Variants in CACNB2 observed in about 807,000 individuals in gnomAD.
The protein encoded by CACNB2 is calcium voltage-gated channel auxiliary subunit beta 2, also known as voltage-dependent L-type calcium channel subunit beta-2.
Under a neutral mutation model 73.3 loss-of-function variants are expected in CACNB2, and 42 were observed. The ratio of observed to expected loss-of-function variants is 0.57; its 90% CI spans 0.45 to 0.74. CACNB2 has a LOEUF of 0.74. CACNB2 is among the 30% of genes least tolerant of loss of function. CACNB2 has a pLI of 0.00. For synonymous variants in CACNB2, 348 were observed against 310.3 expected (o/e 1.12, Z -1.28); for missense variants, 940 against 853.0 (o/e 1.10, Z -1.27).
At position 18,140,663 on chromosome 10, in the gene CACNB2, G is replaced by A. The variant is rs970942967; in HGVS notation, c.-74G>A. 2.1e-4 allele frequency: 286 copies of A among 1,334,502 alleles called. 1 individual carries two copies. Among genetic ancestry groups the A allele is most frequent in the Non-Finnish European group, 4.2e-5 (40 of 950,166 alleles). 82.7% of individuals were successfully genotyped at this position (1,334,502 alleles called of 1,614,324 possible). A position where few individuals can be genotyped will look rare whatever the true frequency, so the allele number is the denominator to read the frequency against. ...CGGCCCCCAGAGCCGATCAGAGCGC[G>A]GGGAGGCGGGGGCGAGGAGGAGGGG... On this transcript the variant is annotated 5_prime_UTR_variant, in exon 1 of 14. Coordinates refer to ENST00000324631, the MANE Select transcript of CACNB2 (RefSeq NM_201596.3).
chr10:18,366,375 G>C (rs1228540350), intron 2 of CACNB2, among the ~76,000 whole-genome samples: 16 of 149,994 alleles, frequency 1.1e-4, no homozygotes, highest in Non-Finnish European at 1.6e-4. Context: ...TGAGGCAGGA[G>C]AATGGTACGA....
At chr10:18,285,585 C>A (rs1464311870) in intron 2 of CACNB2, among the ~76,000 whole-genome samples, 1 of 152,220 alleles carries the variant, frequency 6.6e-6, no homozygotes, top group African/African-American at 2.4e-5. Flanking sequence ...AACTGCCTAA[C>A]TGAGCTCAAT....
chr10:18,511,154 G>C (rs1276068784), intron 6 of CACNB2, among the ~76,000 whole-genome samples: 1 of 152,174 alleles, frequency 6.6e-6, no homozygotes, highest in Non-Finnish European at 1.5e-5. Flanking sequence ...AGTATGCATA[G>C]ATGGGGCAAA....
At chr10:18,532,087 A>C (rs2053088611) in intron 10 of CACNB2, 1 of 152,180 alleles carries the variant, frequency 6.6e-6, no homozygotes, top group South Asian at 2.1e-4. Context: ...GCATGGATAC[A>C]TCCATTTTTA....
rs544678665 is a variant in CACNB2, at chr10:18,210,312, C to T, written c.213+59337C>T. Among the ~76,000 whole-genome samples the T allele has an allele frequency of 2.8e-4, 43 of 152,204 alleles. 1 individual carries two copies. The South Asian group carries it at 8.9e-3, about 32-fold the overall frequency. On this transcript the variant is annotated intron_variant, in intron 2 of 13. Coordinates refer to ENST00000324631, the MANE Select transcript of CACNB2 (RefSeq NM_201596.3). The stretch of plus-strand genomic sequence containing the variant: ...AGAAATGTATATACATGCAGGTACA[C>T]GTGTGTGTAGGTATACATATAACAA...
intron 2 of CACNB2, among the ~76,000 whole-genome samples, chr10:18,237,305 C>T (rs967863185): frequency 1.3e-5 from 2 of 152,150 alleles, no homozygotes; most frequent in Admixed American, 6.5e-5. Flanking sequence ...TTAGATTTTA[C>T]TCAATTAGGG....
chr10:18,175,817 C>G (rs1031390848), intron 2 of CACNB2, among the ~76,000 whole-genome samples: 1 of 152,176 alleles, frequency 6.6e-6, no homozygotes, highest in African/African-American at 2.4e-5. Context: ...AGGCTGGTCT[C>G]AAACTCCTGA....
chr10:18,199,941 CTGTGTGTGTG>C (rs141377460), intron 2 of CACNB2, among the ~76,000 whole-genome samples: 19 of 136,518 alleles, frequency 1.4e-4, no homozygotes, highest in Admixed American at 5.9e-4. Context: ...GTATATGAAA[CTGTGTGTGTG>C]TGTGTGTGTG....
At chr10:18,216,268 G>C (rs2131370483) in intron 2 of CACNB2, among the ~76,000 whole-genome samples, 1 of 152,236 alleles carries the variant, frequency 6.6e-6, no homozygotes, top group East Asian at 1.9e-4. Context: ...TTGCATTCCA[G>C]CCTGGGCAAA....
chr10:18,171,267 A>T (rs543674483), intron 2 of CACNB2, among the ~76,000 whole-genome samples: 6 of 152,130 alleles, frequency 3.9e-5, no homozygotes, highest in African/African-American at 1.4e-4. Context: ...TGGAAAGGGG[A>T]TTGTGATAAG....
At chr10:18,183,816 G>T (rs1338577663) in intron 2 of CACNB2, among the ~76,000 whole-genome samples, 1 of 152,104 alleles carries the variant, frequency 6.6e-6, no homozygotes, top group Admixed American at 6.5e-5. Flanking sequence ...GAGGCCGAGT[G>T]GTACAATGGT....
chr10:18,372,402 A>G (rs115107278), intron 2 of CACNB2, among the ~76,000 whole-genome samples: 2,015 of 152,236 alleles, frequency 0.013, 41 homozygotes, highest in African/African-American at 0.046. Flanking sequence ...GAAGGGGTCC[A>G]GTTTCATTTT....
At chr10:18,478,006 C>A (rs1444654381) in intron 3 of CACNB2, among the ~76,000 whole-genome samples, 1 of 152,114 alleles carries the variant, frequency 6.6e-6, no homozygotes, top group Non-Finnish European at 1.5e-5. Flanking sequence ...GCCATCTCGG[C>A]TCACTGGAAG....
At chr10:18,271,849 G>GT (rs2038067116) in intron 2 of CACNB2, among the ~76,000 whole-genome samples, 1 of 151,886 alleles carries the variant, frequency 6.6e-6, no homozygotes, top group Middle Eastern at 3.2e-3. Flanking sequence ...GTTTATTGGG[G>GT]TTTTTTTCTT....
At chr10:18,269,621 C>T (rs774970571) in intron 2 of CACNB2, among the ~76,000 whole-genome samples, 1 of 152,190 alleles carries the variant, frequency 6.6e-6, no homozygotes, top group South Asian at 2.1e-4. Flanking sequence ...TCAATATGCC[C>T]AGCCCAGATC....
chr10:18,328,194 G>A (rs1241720885), intron 2 of CACNB2, among the ~76,000 whole-genome samples: 1 of 152,150 alleles, frequency 6.6e-6, no homozygotes, highest in Non-Finnish European at 1.5e-5. Context: ...AGAGAAAAGA[G>A]GAGAATTTAC....
chr10:18,475,418 G>C (rs28634507), intron 3 of CACNB2, among the ~76,000 whole-genome samples: 1 of 152,100 alleles, frequency 6.6e-6, no homozygotes, highest in Non-Finnish European at 1.5e-5. Flanking sequence ...CCAGCCACCA[G>C]TCATTCATTA....
intron 3 of CACNB2, among the ~76,000 whole-genome samples, chr10:18,461,783 T>TTTTTTG (rs1170783661): frequency 5.0e-4 from 75 of 148,838 alleles, no homozygotes; most frequent in African/African-American, 1.7e-3. Context: ...TTTTTTTTTT[T>TTTTTTG]TTTGGCGTTG....
At position 18,140,587 on chromosome 10, in the gene CACNB2, C is replaced by CCGGGGCGCTG. The variant is rs1404639360; in HGVS notation, c.-137_-128dup. On this transcript the variant is annotated 5_prime_UTR_variant, in exon 1 of 14. Transcript: ENST00000324631. ...GCGCCTGGCAGCAGGGCGCCGAGTC[C>CCGGGGCGCTG]CGGGGCGCTGCGGGGCGCTGCGCCG... The CCGGGGCGCTG allele has an allele frequency of 5.6e-6, 3 of 532,904 alleles. No individual in the cohort carries two copies. Among genetic ancestry groups the CCGGGGCGCTG allele is most frequent in the Non-Finnish European group, 9.1e-6 (3 of 329,794 alleles). 33.0% of individuals were successfully genotyped at this position (532,904 alleles called of 1,614,324 possible).
Sources: allele counts gnomAD v4.1 joint callset (sites outside exome capture counted in the v4.1 genomes callset), GRCh38; gene constraint gnomAD v4.1.1; transcripts MANE v1.5; gene names NCBI Gene and HGNC (gene_info 2026-07-23, HGNC 2026-07-21).